The following KASH5 variants were observed in gnomAD, a reference collection of about 807,000 sequenced individuals.
The protein encoded by KASH5 is protein KASH5.
Under a neutral mutation model 84.2 loss-of-function variants are expected in KASH5, and 72 were observed. The ratio of observed to expected loss-of-function variants is 0.85; its 90% CI spans 0.71 to 1.04. The LOEUF is 1.04. Among genes scored for constraint, KASH5 ranks in the 50% least tolerant of loss-of-function variants. The pLI is 0.00. For missense variants in KASH5, 650 were observed against 701.0 expected (o/e 0.93, Z 0.82); for synonymous variants, 260 against 279.1 (o/e 0.93, Z 0.68).
Position 49,399,567 on chromosome 19 carries a change from C to G in KASH5, c.798+60C>G, listed in dbSNP as rs1383880628. 8 of 1,561,410 alleles carry G rather than the reference C, an allele frequency of 5.1e-6. No homozygotes were observed. The highest frequency in any genetic ancestry group is 6.9e-6 in the Non-Finnish European group (8 of 1,152,456). ...CCCAGTCCTTAAGGTCTTCTTGACACCACTCCCTTCTGCCCCCAACACCCC... is the reference window on the plus strand; with the variant it reads ...CCCAGTCCTTAAGGTCTTCTTGACAGCACTCCCTTCTGCCCCCAACACCCC... On this transcript the variant is annotated intron_variant, in intron 9 of 19. Coordinates refer to ENST00000447857, the MANE Select transcript of KASH5 (RefSeq NM_144688.5). This position sits in a 1 kb window ranked among gnomAD's most constrained non-coding sequence, Gnocchi z 4.4.
chr19:49,393,733 T>TGTGTGTGTGTGTG (rs1974081945), intron 2 of KASH5: 1 of 119,310 alleles, frequency 8.4e-6, no homozygotes, highest in African/African-American at 2.9e-5. Context: ...ATGCGTGTGC[T>TGTGTGTGTGTGTG]TCACATACAC....
In KASH5 at chr19:49,398,034, C is replaced by G. The variant is rs780824032; in HGVS notation, c.520C>G (p.Arg174Gly). 1 of 1,613,928 alleles carries G rather than the reference C, an allele frequency of 6.2e-7. No homozygotes were observed. ...SSLEDLELSN[R>G]RLVGENAKLQ... Reference sequence around the variant, plus strand: ...CCTGGAGGACCTGGAGCTCAGCAACCGACGTCTGGTTGGGGAGAATGCCAA... The same window carrying G: ...CCTGGAGGACCTGGAGCTCAGCAACGGACGTCTGGTTGGGGAGAATGCCAA... Residue 174 changes from arginine (R) to glycine (G), a missense_variant, in exon 7 of 20, where the codon CGA becomes GGA. Physicochemically the swap from Arg to Gly is moderately radical, Grantham distance 125. Coordinates refer to ENST00000447857, the MANE Select transcript of KASH5 (RefSeq NM_144688.5).
At chr19:49,400,368 CTT>C (rs762991520) in intron 9 of KASH5, among the ~76,000 whole-genome samples, 1 of 100,946 alleles carries the variant, frequency 9.9e-6, no homozygotes, top group Non-Finnish European at 2.0e-5. Context: ...TTTTTTTTTT[CTT>C]TTTTTTTTTT....
chr19:49,407,643 C>A lies in KASH5; in HGVS notation c.965C>A (p.Thr322Asn), dbSNP rs1204099997. The change falls in exon 12 of 20, where the codon ACC (threonine) becomes AAC (asparagine). Residue 322 changes from threonine to asparagine, a missense_variant. Thr to Asn is a moderately conservative substitution (Grantham distance 65). Coordinates refer to ENST00000447857, the MANE Select transcript of KASH5 (RefSeq NM_144688.5). ...CGCGATGTGGAGAGCCTGGCCCAGA[C>A]CCTGGAAGAATACAGAGTGACGACG... ...RTRDVESLAQ[T>N]LEEYRVTTQE... The A allele has an allele frequency of 6.2e-7, 1 of 1,604,768 alleles. No individual in the cohort carries two copies. The highest frequency in any genetic ancestry group is 8.5e-7 in the Non-Finnish European group (1 of 1,175,728).
chr19:49,407,455 A>G (rs527259950), intron 11 of KASH5, among the ~76,000 whole-genome samples, 157 bp from the exon 12 acceptor site: 1 of 152,072 alleles, frequency 6.6e-6, no homozygotes, highest in African/African-American at 2.4e-5. Flanking sequence ...CCCCTCAGGG[A>G]TCTAGAAGCC....
chr19:49,390,876 G>T lies in KASH5; in HGVS notation c.-8G>T. Reference sequence around the variant, plus strand: ...TTGCCAGCAGCTGCGCCGCGGCAGGGGTGGCCCATGGACCTGCCCGAGGGC... The same window carrying T: ...TTGCCAGCAGCTGCGCCGCGGCAGGTGTGGCCCATGGACCTGCCCGAGGGC... On this transcript the variant is annotated 5_prime_UTR_variant, in exon 2 of 20. Transcript: ENST00000447857. The T allele has an allele frequency of 6.3e-7, 1 of 1,591,036 alleles. No homozygotes were observed. The highest frequency in any genetic ancestry group is 1.1e-5 in the South Asian group (1 of 88,294).
rs1568610968 is a variant in KASH5 at position 49,395,714 on chromosome 19, G to C, written c.336-55G>C. On this transcript the variant is annotated intron_variant, in intron 4 of 19. Coordinates refer to ENST00000447857, the MANE Select transcript of KASH5 (RefSeq NM_144688.5). This position sits in a 1 kb window ranked among gnomAD's most constrained non-coding sequence, Gnocchi z 4.4. ...CCTGCAATCCCCCTGCCTGTGGCTG[G>C]TGAGGACTGAGGGGCAGCTACAGTG... 4 of 1,519,438 alleles carry C rather than the reference G, an allele frequency of 2.6e-6. No individual in the cohort carries two copies. Among genetic ancestry groups the C allele is most frequent in the East Asian group, 2.5e-5 (1 of 40,712 alleles). 94.1% of individuals were successfully genotyped at this position (1,519,438 alleles called of 1,614,324 possible). A position where few individuals can be genotyped will look rare whatever the true frequency, so the allele number is the denominator to read the frequency against.
Position 49,416,904 on chromosome 19 carries a change from A to G in KASH5, c.1375-111A>G. On this transcript the variant is annotated intron_variant, in intron 17 of 19. Transcript: ENST00000447857. This position sits in a 1 kb window ranked among gnomAD's most constrained non-coding sequence, Gnocchi z 5.4. ...CCTGGCAGCAGAAGTGCACTCACTT[A>G]TCTCCTGAGCTCCACCACTTTCTAT... 1 of 1,079,966 alleles carries G rather than the reference A, an allele frequency of 9.3e-7. No homozygotes were observed. Among genetic ancestry groups the G allele is most frequent in the Admixed American group, 2.0e-5 (1 of 49,514 alleles). The allele number at this position is 1,079,966 out of a possible 1,614,324, so 66.9% of individuals were successfully genotyped here.
intron 14 of KASH5, among the ~76,000 whole-genome samples, chr19:49,409,489 T>C (rs1297459549): frequency 6.6e-6 from 1 of 152,158 alleles, no homozygotes; most frequent in African/African-American, 2.4e-5. Flanking sequence ...CAGACCCCAG[T>C]CTGATCCAGC....
intron 2 of KASH5, among the ~76,000 whole-genome samples, chr19:49,392,073 G>A (rs372659609): frequency 1.1e-4 from 16 of 152,122 alleles, no homozygotes; most frequent in Admixed American, 7.9e-4. Flanking sequence ...AGCAGAGGGC[G>A]TGCAGCCACC....
rs1974854496 is a variant in KASH5 at position 49,414,977 on chromosome 19, A to G, written c.1355A>G (p.Asp452Gly). 6.2e-7 allele frequency: 1 copy of G among 1,612,956 alleles called. No homozygotes were observed. The highest frequency in any genetic ancestry group is 1.3e-5 in the African/African-American group (1 of 74,886). ...TTGACCAGAAGAGAGGAAGAGGAGG[A>G]TGCAGAGAGCCAGGTCACGGTAGGC... ...MWLTRREEEE[D>G]AESQVTADLP... is the part of the protein sequence containing the mutation. Residue 452 changes from aspartate (D) to glycine (G), a missense_variant, in exon 17 of 20, where the codon GAT (aspartate) becomes GGT (glycine). Transcript: ENST00000447857. This position sits in a 1 kb window ranked among gnomAD's most constrained non-coding sequence, Gnocchi z 4.5.
In KASH5 at chr19:49,389,263, C is replaced by G. The variant is rs535089601; in HGVS notation, c.-96+936C>G. 2.7e-5 allele frequency among the ~76,000 whole-genome samples: 4 copies of G among 146,946 alleles called. No individual in the cohort carries two copies. In the East Asian group the frequency reaches 8.0e-4, roughly 29 times the overall value. Reference sequence around the variant, plus strand: ...AGACCCCCGAAATCCAGCCAGAGACCCCTGAAATCCAGTCAGAGACCCCCA... The same window carrying G: ...AGACCCCCGAAATCCAGCCAGAGACGCCTGAAATCCAGTCAGAGACCCCCA... On this transcript the variant is annotated intron_variant, in intron 1 of 19. Coordinates refer to ENST00000447857, the MANE Select transcript of KASH5 (RefSeq NM_144688.5).
At chr19:49,404,146 G>T (rs1316257424) in intron 9 of KASH5, among the ~76,000 whole-genome samples, 1 of 152,218 alleles carries the variant, frequency 6.6e-6, no homozygotes, top group Non-Finnish European at 1.5e-5. Flanking sequence ...TCACCTGGCA[G>T]CCCAGGCCCA....
At position 49,405,438 on chromosome 19, in the gene KASH5, CAA is replaced by C. The variant is rs1974491645; in HGVS notation, c.799-1447_799-1446del. Among the ~76,000 whole-genome samples the C allele has an allele frequency of 2.6e-5, 3 of 114,978 alleles. No homozygotes were observed. In the South Asian group the frequency reaches 8.5e-4, roughly 32 times the overall value. 75.4% of individuals were successfully genotyped at this position (114,978 alleles called of 152,430 possible). On this transcript the variant is annotated intron_variant, in intron 9 of 19. Coordinates refer to ENST00000447857, the MANE Select transcript of KASH5 (RefSeq NM_144688.5). The stretch of plus-strand genomic sequence containing the variant: ...CGCCATTGCACTCCAGCCTGGGCAA[CAA>C]GAGTGAAACTCCTCTCAAAAAAAAA...
At chr19:49,411,870 TGGAA>T (rs140833512) in intron 15 of KASH5, among the ~76,000 whole-genome samples, 2,273 of 135,808 alleles carry the variant, frequency 0.017, 57 homozygotes, top group African/African-American at 0.059. Flanking sequence ...GATACTTGAG[TGGAA>T]GGAAGGAAGG....
Position 49,395,695 on chromosome 19 carries a change from A to T in KASH5, c.336-74A>T. Reference sequence around the variant, plus strand: ...ACCCGGTCCCCTCCTCCCACCTGCAATCCCCCTGCCTGTGGCTGGTGAGGA... The same window carrying T: ...ACCCGGTCCCCTCCTCCCACCTGCATTCCCCCTGCCTGTGGCTGGTGAGGA... On this transcript the variant is annotated intron_variant, in intron 4 of 19. Coordinates refer to ENST00000447857, the MANE Select transcript of KASH5 (RefSeq NM_144688.5). The surrounding 1 kb of genome is among the most constrained non-coding windows in gnomAD (Gnocchi z 4.4). The T allele has an allele frequency of 6.8e-7, 1 of 1,461,452 alleles. No homozygotes were observed. Among genetic ancestry groups the T allele is most frequent in the Middle Eastern group, 2.4e-4 (1 of 4,200 alleles). 90.5% of individuals were successfully genotyped at this position (1,461,452 alleles called of 1,614,324 possible). A position where few individuals can be genotyped will look rare whatever the true frequency, so the allele number is the denominator to read the frequency against.
rs921480268 is a variant in KASH5, at chr19:49,390,867, C to G, written c.-17C>G. The G allele has an allele frequency of 1.3e-6, 2 of 1,584,534 alleles. No individual in the cohort carries two copies. Among genetic ancestry groups the G allele is most frequent in the Non-Finnish European group, 1.7e-6 (2 of 1,168,416 alleles). ...CTGGTAGCTTTGCCAGCAGCTGCGCCGCGGCAGGGGTGGCCCATGGACCTG... is the reference window on the plus strand; with the variant it reads ...CTGGTAGCTTTGCCAGCAGCTGCGCGGCGGCAGGGGTGGCCCATGGACCTG... On this transcript the variant is annotated 5_prime_UTR_variant, in exon 2 of 20. Transcript: ENST00000447857.
At chr19:49,403,952 A>G (rs1974446762) in intron 9 of KASH5, among the ~76,000 whole-genome samples, 1 of 152,232 alleles carries the variant, frequency 6.6e-6, no homozygotes, top group Non-Finnish European at 1.5e-5. Context: ...AGACACTCAG[A>G]CACTGAAGAT....
Position 49,394,587 on chromosome 19 carries a change from G to A in KASH5, c.148+7G>A. On this transcript the variant is annotated splice_region_variant and intron_variant, in intron 3 of 19. Transcript: ENST00000447857. ...TGTGACCCTCAGAGGACAGGTGGTG[G>A]GGGCATGAGGGGTGCTGGGGACCAG... is the stretch of plus-strand genomic sequence containing the variant. 2 of 1,606,426 alleles carry A rather than the reference G, an allele frequency of 1.2e-6. No individual in the cohort carries two copies.
Sources: allele counts gnomAD v4.1 joint callset (sites outside exome capture counted in the v4.1 genomes callset), GRCh38; gene constraint gnomAD v4.1.1; non-coding constraint Gnocchi (gnomAD v3.1); transcripts MANE v1.5; gene names NCBI Gene and HGNC (gene_info 2026-07-23, HGNC 2026-07-21).